Variants in OXCT1 observed in about 807,000 individuals in gnomAD.
OXCT1 encodes succinyl-CoA:3-ketoacid coenzyme A transferase 1, mitochondrial.
In OXCT1, 27 loss-of-function variants were observed where a neutral mutation model predicts 69.6. That is an observed-to-expected ratio of 0.39 (90% CI 0.29 to 0.54). The LOEUF (loss-of-function observed/expected upper bound fraction) is 0.54, where lower values mean the gene tolerates loss of function less well. Ranked by LOEUF, OXCT1 falls within the 20% of genes least tolerant of loss-of-function variation. OXCT1 has a pLI of 0.72. For missense variants in OXCT1, 437 were observed against 650.2 expected (o/e 0.67, Z 3.57); for synonymous variants, 202 against 217.8 (o/e 0.93, Z 0.64).
intron 13 of OXCT1, among the ~76,000 whole-genome samples, chr5:41,767,722 G>GTATGTATATATA (rs1554011239): frequency 2.2e-5 from 2 of 89,972 alleles, no homozygotes; most frequent in African/African-American, 1.1e-4. Context: ...ATATGTGTGT[G>GTATGTATATATA]TATATATATA....
At chr5:41,767,254 C>T (rs1561373426) in intron 13 of OXCT1, among the ~76,000 whole-genome samples, 1 of 151,604 alleles carries the variant, frequency 6.6e-6, no homozygotes, top group East Asian at 1.9e-4. Flanking sequence ...TTTAAAAAAC[C>T]AAAAAAAGTT....
intron 7 of OXCT1, among the ~76,000 whole-genome samples, chr5:41,833,875 A>G (rs1488279052): frequency 2.6e-5 from 4 of 152,142 alleles, no homozygotes. Context: ...AACTTGGCCA[A>G]CGTGATGAAA....
intron 3 of OXCT1, among the ~76,000 whole-genome samples, chr5:41,855,675 G>A (rs1749396033): frequency 6.6e-6 from 1 of 152,128 alleles, no homozygotes. Flanking sequence ...CCCTGTGTCA[G>A]GCTCTGGAGC....
At chr5:41,794,181 T>A in intron 12 of OXCT1, 103 bp from the exon 13 acceptor site, 1 of 810,354 alleles carries the variant, frequency 1.2e-6, no homozygotes, top group East Asian at 2.5e-5. Context: ...AAAATATACT[T>A]GCTTCCCCCA....
intron 3 of OXCT1, among the ~76,000 whole-genome samples, chr5:41,857,312 C>A (rs1365233605): frequency 1.3e-5 from 2 of 152,210 alleles, no homozygotes; most frequent in Non-Finnish European, 2.9e-5. Flanking sequence ...AATTAAAGGT[C>A]TCCGGAGTGG....
chr5:41,838,451 T>A (rs1481994085), intron 7 of OXCT1, among the ~76,000 whole-genome samples: 1 of 152,144 alleles, frequency 6.6e-6, no homozygotes. Flanking sequence ...CTGTTTTGCT[T>A]ATGTTCCTGT....
At position 41,790,122 on chromosome 5, in the gene OXCT1, T is replaced by C. The variant is rs1745845333; in HGVS notation, c.1248+3881A>G. Among the ~76,000 whole-genome samples the C allele has an allele frequency of 2.0e-5, 3 of 152,206 alleles. No homozygotes were observed. The South Asian group carries it at 6.2e-4, about 31-fold the overall frequency. ...CATAAGAATGCCTCATTCAATCCTC[T>C]CCACATAGAGGAGGGCTCTTGGCTC... is the stretch of plus-strand genomic sequence containing the variant. On this transcript the variant is annotated intron_variant, in intron 13 of 16. Transcript: ENST00000196371.
intron 7 of OXCT1, among the ~76,000 whole-genome samples, chr5:41,831,264 A>C (rs1271615622): frequency 1.3e-5 from 2 of 152,188 alleles, no homozygotes; most frequent in East Asian, 3.8e-4. Context: ...CTCTTGCCTC[A>C]GGCCTCTGCA....
At chr5:41,865,968 A>C (rs1351232804) in intron 1 of OXCT1, among the ~76,000 whole-genome samples, 2 of 151,226 alleles carry the variant, frequency 1.3e-5, no homozygotes, top group African/African-American at 4.9e-5. Flanking sequence ...ATATTTATGC[A>C]GGTAACAAAT....
intron 7 of OXCT1, among the ~76,000 whole-genome samples, chr5:41,809,867 T>C (rs1408419050): frequency 6.6e-6 from 1 of 151,976 alleles, no homozygotes; most frequent in Non-Finnish European, 1.5e-5. Context: ...CATAAACAAT[T>C]CCATGTTTTG....
intron 13 of OXCT1, among the ~76,000 whole-genome samples, chr5:41,766,865 T>A (rs1307293961): frequency 3.3e-5 from 5 of 152,134 alleles, no homozygotes; most frequent in African/African-American, 1.2e-4. Flanking sequence ...TAATGCTATA[T>A]GCCATAGTAG....
chr5:41,856,828 TGTCCACTAGAG>T (rs1232582893), intron 3 of OXCT1, among the ~76,000 whole-genome samples: 2 of 152,246 alleles, frequency 1.3e-5, no homozygotes, highest in Non-Finnish European at 2.9e-5. Context: ...AGAATACATT[TGTCCACTAGAG>T]GTCACCAGAG....
chr5:41,732,415 T>C (rs1446943526), intron 16 of OXCT1, among the ~76,000 whole-genome samples: 1 of 152,214 alleles, frequency 6.6e-6, no homozygotes, highest in African/African-American at 2.4e-5. Flanking sequence ...CCTGCGAATC[T>C]GCAAGCAGAG....
chr5:41,775,684 T>C (rs1284686637), intron 13 of OXCT1, among the ~76,000 whole-genome samples: 1 of 152,166 alleles, frequency 6.6e-6, no homozygotes, highest in Non-Finnish European at 1.5e-5. Flanking sequence ...CCTCTAATCA[T>C]GTCTTGGTCT....
chr5:41,746,103 A>T (rs1334867162), intron 15 of OXCT1, among the ~76,000 whole-genome samples: 1 of 152,166 alleles, frequency 6.6e-6, no homozygotes, highest in Non-Finnish European at 1.5e-5. Flanking sequence ...ACAAAAAAAG[A>T]GAATTTTAGA....
At chr5:41,796,729 G>C (rs1183567851) in intron 11 of OXCT1, among the ~76,000 whole-genome samples, 1 of 152,106 alleles carries the variant, frequency 6.6e-6, no homozygotes, top group Non-Finnish European at 1.5e-5. Flanking sequence ...TTCCTGGTAT[G>C]GTTAGCAGGG....
At chr5:41,793,458 CTATTAAATGACAACTGTGCATTTCA>C (rs1373932468) in intron 13 of OXCT1, among the ~76,000 whole-genome samples, 1 of 152,202 alleles carries the variant, frequency 6.6e-6, no homozygotes, top group African/African-American at 2.4e-5. Context: ...ATTTAGGTCA[CTATTAAATGACAACTGTGCATTTCA>C]TATTAAATGA....
intron 7 of OXCT1, among the ~76,000 whole-genome samples, chr5:41,813,617 G>C (rs962071722): frequency 6.6e-6 from 1 of 152,052 alleles, no homozygotes; most frequent in Non-Finnish European, 1.5e-5. Context: ...TTATAGTTAA[G>C]GGGCAAGGGT....
chr5:41,768,452 T>TA (rs1403182721), intron 13 of OXCT1, among the ~76,000 whole-genome samples: 1 of 152,186 alleles, frequency 6.6e-6, no homozygotes, highest in Non-Finnish European at 1.5e-5. Context: ...GTTATATTAA[T>TA]ACATGCCTCA....
Sources: gnomAD v4.1 joint callset for allele counts (sites outside exome capture counted in the v4.1 genomes callset) on GRCh38, gnomAD v4.1.1 for gene constraint, MANE v1.5 for transcripts, NCBI Gene and HGNC (gene_info 2026-07-23, HGNC 2026-07-21) for gene names.